PCDHGB3: variants seen among roughly 807,000 people sequenced by gnomAD.
The protein encoded by PCDHGB3 is protocadherin gamma subfamily B, 3, also known as protocadherin gamma-B3.
In PCDHGB3, 40 loss-of-function variants were observed where a neutral mutation model predicts 59.2. The observed-to-expected ratio is 0.68, with a 90% CI of 0.52 to 0.88. The LOEUF is 0.88. Among genes scored for constraint, PCDHGB3 ranks in the 40% least tolerant of loss-of-function variants. The pLI, the probability that PCDHGB3 is intolerant of heterozygous loss-of-function variation, is 0.00. For missense variants in PCDHGB3, 1,309 were observed against 1,187.9 expected (o/e 1.10, Z -1.50); for synonymous variants, 581 against 503.6 (o/e 1.15, Z -2.06).
chr5:141,490,960 T>C lies in PCDHGB3; in HGVS notation c.2416-3847T>C. 1.9e-6 allele frequency: 3 copies of C among 1,613,794 alleles called. No homozygotes were observed. The highest frequency in any genetic ancestry group is 2.2e-5 in the South Asian group (2 of 91,030). On this transcript the variant is annotated intron_variant, in intron 1 of 3. Transcript: ENST00000576222. The surrounding 1 kb of genome is among the most constrained non-coding windows in gnomAD (Gnocchi z 5.4). ...GCACCCACGGCCAGACTGGGAACACTCAGCCCCCCAGCGTCTCCCTCGCTC... is the reference window on the plus strand; with the variant it reads ...GCACCCACGGCCAGACTGGGAACACCCAGCCCCCCAGCGTCTCCCTCGCTC...
At chr5:141,434,515 G>A (rs1032584764) in intron 1 of PCDHGB3, among the ~76,000 whole-genome samples, 1 of 152,296 alleles carries the variant, frequency 6.6e-6, no homozygotes, top group African/African-American at 2.4e-5. Context: ...CTGCTTAAAG[G>A]TGTTCTTAAA....
chr5:141,405,192 G>A (rs2154536235), intron 1 of PCDHGB3: 5 of 1,613,938 alleles, frequency 3.1e-6, no homozygotes, highest in East Asian at 2.2e-5. Context: ...GATGGGGTTC[G>A]AGCTTTCCTA....
In PCDHGB3 at chr5:141,493,079, G is replaced by A. The variant is rs1299289839; in HGVS notation, c.2416-1728G>A. 6.6e-6 allele frequency among the ~76,000 whole-genome samples: 1 copy of A among 152,204 alleles called. No homozygotes were observed. Among genetic ancestry groups the A allele is most frequent in the East Asian group, 1.9e-4 (1 of 5,196 alleles). Reference sequence around the variant, plus strand: ...AAAAACACAAGTTTCTCCAACTCCAGGAGCTTTTATTCAAAATATATCAAT... The same window carrying A: ...AAAAACACAAGTTTCTCCAACTCCAAGAGCTTTTATTCAAAATATATCAAT... On this transcript the variant is annotated intron_variant, in intron 1 of 3. Transcript: ENST00000576222. The surrounding 1 kb of genome is among the most constrained non-coding windows in gnomAD (Gnocchi z 4.3).
intron 1 of PCDHGB3, chr5:141,421,970 A>G (rs2096615419): frequency 1.2e-6 from 2 of 1,610,810 alleles, no homozygotes; most frequent in Non-Finnish European, 1.7e-6. Context: ...CAGTCCGTAT[A>G]TCGCGTGAGT....
intron 1 of PCDHGB3, among the ~76,000 whole-genome samples, chr5:141,463,726 A>G (rs6888081): frequency 0.29 from 44,573 of 151,836 alleles, 7,596 homozygotes; most frequent in African/African-American, 0.48. Flanking sequence ...GATTACAGGC[A>G]TGAGCCACCG....
intron 1 of PCDHGB3, chr5:141,399,924 G>A: frequency 6.2e-7 from 1 of 1,612,346 alleles, no homozygotes; most frequent in Non-Finnish European, 8.5e-7. Context: ...ACAACGCCTG[G>A]CTGTCCTACC....
intron 1 of PCDHGB3, among the ~76,000 whole-genome samples, chr5:141,472,131 A>C (rs565506002): frequency 6.6e-6 from 1 of 152,264 alleles, no homozygotes; most frequent in Non-Finnish European, 1.5e-5. Flanking sequence ...AGAGAAGTTA[A>C]AAATAAAAGT....
At chr5:141,466,763 C>T (rs960940073) in intron 1 of PCDHGB3, among the ~76,000 whole-genome samples, 31 of 152,272 alleles carry the variant, frequency 2.0e-4, no homozygotes, top group Middle Eastern at 6.8e-3. Context: ...TCTTTTCAAA[C>T]TGTTATCTTA....
intron 1 of PCDHGB3, chr5:141,375,406 T>A: frequency 6.2e-7 from 1 of 1,613,968 alleles, no homozygotes; most frequent in Admixed American, 1.7e-5. Flanking sequence ...TCTCTCTAAA[T>A]GTGGCAGACA....
intron 1 of PCDHGB3, chr5:141,392,382 T>A (rs1463242705): frequency 6.5e-6 from 1 of 154,612 alleles, no homozygotes; most frequent in Non-Finnish European, 1.4e-5. Context: ...TCTGATCTAA[T>A]CTGATCATTT....
intron 1 of PCDHGB3, chr5:141,418,042 G>A: frequency 6.2e-7 from 1 of 1,614,014 alleles, no homozygotes; most frequent in South Asian, 1.1e-5. Context: ...TCCTGGATGT[G>A]TCGGCTCGCG....
intron 1 of PCDHGB3, among the ~76,000 whole-genome samples, chr5:141,452,316 T>C (rs2098738639): frequency 6.6e-6 from 1 of 152,208 alleles, no homozygotes; most frequent in Non-Finnish European, 1.5e-5. Flanking sequence ...ACTCATACTT[T>C]CCTTGTTCCA....
At chr5:141,478,087 C>T in intron 1 of PCDHGB3, 1 of 1,614,134 alleles carries the variant, frequency 6.2e-7, no homozygotes, top group East Asian at 2.2e-5. Flanking sequence ...CTTCGCTCTC[C>T]ACCACTGCTA....
chr5:141,423,758 G>C lies in PCDHGB3; in HGVS notation c.2415+50949G>C, dbSNP rs1192987646. 54 of 366,760 alleles carry C rather than the reference G, an allele frequency of 1.5e-4. 3 individuals carry two copies. The highest frequency in any genetic ancestry group is 1.4e-4 in the Non-Finnish European group (36 of 259,732). 22.7% of individuals were successfully genotyped at this position (366,760 alleles called of 1,614,324 possible). A position where few individuals can be genotyped will look rare whatever the true frequency, so the allele number is the denominator to read the frequency against. Reference sequence around the variant, plus strand: ...CTGTTATGAAAACTGTTTGGGGGGGGGGTGGGGCGGCATATATTTAGTTCA... The same window carrying C: ...CTGTTATGAAAACTGTTTGGGGGGGCGGTGGGGCGGCATATATTTAGTTCA... On this transcript the variant is annotated intron_variant, in intron 1 of 3. Transcript: ENST00000576222.
Position 141,511,250 on chromosome 5 carries a change from CAG to C in PCDHGB3, c.*80_*81del. 2 of 1,571,674 alleles carry C rather than the reference CAG, an allele frequency of 1.3e-6. No homozygotes were observed. Among genetic ancestry groups the C allele is most frequent in the Non-Finnish European group, 1.7e-6 (2 of 1,158,794 alleles). On this transcript the variant is annotated 3_prime_UTR_variant, in exon 4 of 4. Transcript: ENST00000576222. ...CTTCTCCTTACCTGCACCCAGGCCT[CAG>C]AGTTTCAGGGCTAACCCCCAGAATA...
intron 1 of PCDHGB3, among the ~76,000 whole-genome samples, chr5:141,453,310 T>C (rs566320120): frequency 6.6e-6 from 1 of 152,044 alleles, no homozygotes; most frequent in South Asian, 2.1e-4. Context: ...TTTATTTATT[T>C]ATTTTAGAGA....
chr5:141,384,186 TC>T (rs1369721575), intron 1 of PCDHGB3: 3 of 1,613,730 alleles, frequency 1.9e-6, no homozygotes, highest in Admixed American at 1.7e-5. Flanking sequence ...ATGGTGGAAC[TC>T]CTCCCTTGTC....
intron 1 of PCDHGB3, chr5:141,395,542 TTGTGTGTGTGTGTGTGTG>T (rs55729045): frequency 3.2e-4 from 55 of 172,630 alleles, no homozygotes; most frequent in Middle Eastern, 1.8e-3. Context: ...TTGCTATTGT[TTGTGTGTGTGTGTGTGTG>T]TGTGTGTGTG....
intron 1 of PCDHGB3, chr5:141,384,826 G>C (rs750050142): frequency 6.2e-7 from 1 of 1,613,472 alleles, no homozygotes; most frequent in Non-Finnish European, 8.5e-7. Flanking sequence ...GCAGAGCCTC[G>C]TGGTGGCCGT....
Sources: allele counts gnomAD v4.1 joint callset (sites outside exome capture counted in the v4.1 genomes callset), GRCh38; gene constraint gnomAD v4.1.1; non-coding constraint Gnocchi (gnomAD v3.1); transcripts MANE v1.5; gene names NCBI Gene and HGNC (gene_info 2026-07-23, HGNC 2026-07-21).